Variants in SLCO6A1 observed in about 807,000 individuals in gnomAD.
The protein encoded by SLCO6A1 is cancer/testis antigen 48.
In SLCO6A1, 65 loss-of-function variants were observed where a neutral mutation model predicts 72.7. That is an observed-to-expected ratio of 0.89 (90% CI 0.73 to 1.10). SLCO6A1 has a LOEUF of 1.10. Ranked by LOEUF, SLCO6A1 falls within the 50% of genes least tolerant of loss-of-function variation. SLCO6A1 has a pLI of 0.00. For synonymous variants in SLCO6A1, 314 were observed against 298.2 expected, an observed-to-expected ratio of 1.05 and a Z score of -0.55; for missense variants, 874 against 872.6, an observed-to-expected ratio of 1.00 and a Z score of -0.02.
intron 12 of SLCO6A1, among the ~76,000 whole-genome samples, chr5:102,386,825 A>AT (rs1561418038): frequency 6.6e-6 from 1 of 152,086 alleles, no homozygotes; most frequent in Non-Finnish European, 1.5e-5. Flanking sequence ...CTAGAGCTGT[A>AT]TTTTACTGAG....
chr5:102,433,339 T>C (rs1749323946), intron 7 of SLCO6A1, among the ~76,000 whole-genome samples: 1 of 152,204 alleles, frequency 6.6e-6, no homozygotes, highest in Admixed American at 6.5e-5. Flanking sequence ...AAGAAGACCT[T>C]ATGGCCTTTT....
chr5:102,385,894 G>A (rs1377910104), intron 12 of SLCO6A1, among the ~76,000 whole-genome samples: 3 of 149,074 alleles, frequency 2.0e-5, no homozygotes, highest in African/African-American at 7.4e-5. Flanking sequence ...TTGAATTCCT[G>A]GGCTCAAATG....
At chr5:102,480,571 T>C in intron 1 of SLCO6A1, 137 bp from the exon 2 acceptor site, 3 of 852,458 alleles carry the variant, frequency 3.5e-6, no homozygotes, top group Non-Finnish European at 5.3e-6. Context: ...TATAAGCAAG[T>C]AACAATTCCT....
chr5:102,438,830 A>T (rs758208492), intron 6 of SLCO6A1, 69 bp from the exon 7 acceptor site: 20 of 1,149,190 alleles, frequency 1.7e-5, no homozygotes, highest in Non-Finnish European at 2.3e-5. Flanking sequence ...ACAGAACCAA[A>T]TGCTAATGAT....
intron 7 of SLCO6A1, among the ~76,000 whole-genome samples, chr5:102,431,234 T>C (rs940640472): frequency 6.6e-6 from 1 of 152,064 alleles, no homozygotes; most frequent in Non-Finnish European, 1.5e-5. Context: ...CCTTTGAATG[T>C]TTTTTTGTGT....
At chr5:102,403,511 A>T (rs530906706) in intron 9 of SLCO6A1, among the ~76,000 whole-genome samples, 1 of 152,302 alleles carries the variant, frequency 6.6e-6, no homozygotes, top group South Asian at 2.1e-4. Context: ...AAGTGCATAA[A>T]ATATGTATAA....
chr5:102,438,608 T>C lies in SLCO6A1; in HGVS notation c.1276+9A>G. ...AATTTTTGAAATGACAATAAGAAGG[T>C]AAATCTACCTGCAAGTGTAGTTGCC... On this transcript the variant is annotated intron_variant, in intron 7 of 13. Transcript: ENST00000506729. The C allele has an allele frequency of 6.3e-7, 1 of 1,583,552 alleles. No individual in the cohort carries two copies. Among genetic ancestry groups the C allele is most frequent in the Non-Finnish European group, 8.5e-7 (1 of 1,170,326 alleles).
rs111816692 is a variant in SLCO6A1, at chr5:102,465,873, C to T, written c.900-6096G>A. ...GGCAGTTATTCATTAAAGAGAACTA[C>T]TGGACAATGTGAATACTAAGAATCA... On this transcript the variant is annotated intron_variant, in intron 4 of 13. Transcript: ENST00000506729. 2.1e-3 allele frequency among the ~76,000 whole-genome samples: 318 copies of T among 152,188 alleles called. 3 individuals carry two copies. Among genetic ancestry groups the T allele is most frequent in the African/African-American group, 7.3e-3 (302 of 41,552 alleles).
chr5:102,478,524 A>G (rs1180619147), intron 2 of SLCO6A1, among the ~76,000 whole-genome samples: 4 of 152,208 alleles, frequency 2.6e-5, no homozygotes, highest in African/African-American at 7.2e-5. Context: ...TCATAAGGAC[A>G]AGGCATTATA....
At chr5:102,379,670 T>C (rs958045231) in intron 12 of SLCO6A1, among the ~76,000 whole-genome samples, 1 of 152,020 alleles carries the variant, frequency 6.6e-6, no homozygotes, top group Non-Finnish European at 1.5e-5. Context: ...AATAGGTTTT[T>C]ATATGTTAGC....
chr5:102,466,517 T>C (rs1751321161), intron 4 of SLCO6A1, among the ~76,000 whole-genome samples: 1 of 152,228 alleles, frequency 6.6e-6, no homozygotes, highest in South Asian at 2.1e-4. Context: ...AACTGGATGA[T>C]GTTTATCTTT....
At chr5:102,388,476 T>G (rs1327258101) in intron 12 of SLCO6A1, among the ~76,000 whole-genome samples, 1 of 152,172 alleles carries the variant, frequency 6.6e-6, no homozygotes, top group Admixed American at 6.5e-5. Context: ...TAGCTGGGAC[T>G]ACAAGTATGT....
At chr5:102,447,318 G>T (rs2112711381) in intron 6 of SLCO6A1, among the ~76,000 whole-genome samples, 1 of 152,274 alleles carries the variant, frequency 6.6e-6, no homozygotes, top group East Asian at 1.9e-4. Flanking sequence ...ATATTGGCCT[G>T]AAGCGTTCTT....
chr5:102,381,070 G>T (rs1368082318), intron 12 of SLCO6A1, among the ~76,000 whole-genome samples: 1 of 151,532 alleles, frequency 6.6e-6, no homozygotes, highest in Non-Finnish European at 1.5e-5. Context: ...CACATTATTC[G>T]GTTATTTTTT....
At chr5:102,451,083 G>C (rs1427368990) in intron 6 of SLCO6A1, among the ~76,000 whole-genome samples, 1 of 152,134 alleles carries the variant, frequency 6.6e-6, no homozygotes, top group Admixed American at 6.5e-5. Context: ...CCAGTGAGGA[G>C]TCACAGGGGC....
intron 1 of SLCO6A1, among the ~76,000 whole-genome samples, chr5:102,492,647 C>T (rs796972314): frequency 3.9e-5 from 6 of 152,086 alleles, no homozygotes; most frequent in South Asian, 4.1e-4. Flanking sequence ...CAAAGGGAAG[C>T]GGTGACAGAC....
intron 9 of SLCO6A1, among the ~76,000 whole-genome samples, chr5:102,410,436 C>T (rs534193154): frequency 5.3e-5 from 8 of 152,288 alleles, no homozygotes; most frequent in Middle Eastern, 3.4e-3. Flanking sequence ...AAAGGCACCA[C>T]ACCTCTTTGT....
At chr5:102,450,383 C>T (rs1454740379) in intron 6 of SLCO6A1, among the ~76,000 whole-genome samples, 3 of 152,296 alleles carry the variant, frequency 2.0e-5, no homozygotes, top group Non-Finnish European at 2.9e-5. Flanking sequence ...GGTTTCACAG[C>T]GGGATATATT....
intron 13 of SLCO6A1, 80 bp from the exon 14 acceptor site, chr5:102,372,203 T>G (rs115589980): frequency 1.9e-3 from 289 of 152,176 alleles, no homozygotes; most frequent in African/African-American, 6.5e-3. Flanking sequence ...TTAAAATGCA[T>G]GTTGAAATAA....
Sources: allele counts gnomAD v4.1 joint callset (sites outside exome capture counted in the v4.1 genomes callset), GRCh38; gene constraint gnomAD v4.1.1; transcripts MANE v1.5; gene names NCBI Gene and HGNC (gene_info 2026-07-23, HGNC 2026-07-21).